The following NTM variants were observed in gnomAD, a reference collection of about 807,000 sequenced individuals.
NTM encodes the protein neurotrimin.
A neutral mutation model predicts 42.1 loss-of-function variants in NTM; 13 were observed. The observed-to-expected ratio is 0.31, with a 90% CI of 0.20 to 0.49. The LOEUF (loss-of-function observed/expected upper bound fraction) is 0.49, where lower values mean the gene tolerates loss of function less well. NTM is among the 20% of genes least tolerant of loss of function. NTM has a pLI of 0.99. For missense variants in NTM, 373 were observed against 452.8 expected, an observed-to-expected ratio of 0.82 and a Z score of 1.60; for synonymous variants, 187 against 179.2, an observed-to-expected ratio of 1.04 and a Z score of -0.35.
rs151295244 is a variant in NTM at position 132,278,506 on chromosome 11, TG to T, written c.527-29180del. ...TTGGGCTTCCTCCTAGCAAGGTGGC[TG>T]GGTTTCTAGAACACAGGCAGAAACT... On this transcript the variant is annotated intron_variant, in intron 4 of 8. Transcript: ENST00000683400. Among the ~76,000 whole-genome samples, 646 of 152,250 alleles carry T rather than the reference TG, an allele frequency of 4.2e-3. 4 individuals carry two copies. Among genetic ancestry groups the T allele is most frequent in the African/African-American group, 0.015 (616 of 41,530 alleles).
At chr11:131,844,770 A>C (rs1470768752) in intron 1 of NTM, among the ~76,000 whole-genome samples, 1 of 152,080 alleles carries the variant, frequency 6.6e-6, no homozygotes, top group Admixed American at 6.5e-5. Context: ...GTTTTTGTAC[A>C]GTTCACATTT....
At position 131,598,426 on chromosome 11, in the gene NTM, T is replaced by C. The variant is rs116181815; in HGVS notation, c.82+227538T>C. On this transcript the variant is annotated intron_variant, in intron 1 of 8. Coordinates refer to ENST00000683400, the MANE Select transcript of NTM (RefSeq NM_001352005.2). ...CACGCTTGTCTTTCTACACTGTCCTTGTTATGTAGATTCTGTTAGTCAGGA... is the reference window on the plus strand; with the variant it reads ...CACGCTTGTCTTTCTACACTGTCCTCGTTATGTAGATTCTGTTAGTCAGGA... Among the ~76,000 whole-genome samples the C allele has an allele frequency of 3.1e-3, 479 of 152,326 alleles. 3 individuals are homozygous for C. Among genetic ancestry groups the C allele is most frequent in the African/African-American group, 0.01 (436 of 41,584 alleles).
intron 1 of NTM, among the ~76,000 whole-genome samples, chr11:131,609,569 G>A (rs542065900): frequency 5.8e-4 from 88 of 152,304 alleles, no homozygotes; most frequent in Non-Finnish European, 9.3e-4. Context: ...CGAGAAGATC[G>A]AAGACGTCTT....
intron 1 of NTM, among the ~76,000 whole-genome samples, chr11:131,901,907 G>A (rs909254372): frequency 1.3e-5 from 2 of 152,232 alleles, no homozygotes; most frequent in Non-Finnish European, 2.9e-5. Context: ...ACCACTGGTA[G>A]TTTTGTGCTA....
At chr11:131,616,776 G>GGT (rs752979661) in intron 1 of NTM, among the ~76,000 whole-genome samples, 1 of 143,176 alleles carries the variant, frequency 7.0e-6, no homozygotes, top group Non-Finnish European at 1.5e-5. Flanking sequence ...CTGTCTTGAG[G>GGT]GGGTGTGTGT....
intron 1 of NTM, among the ~76,000 whole-genome samples, chr11:131,751,584 C>T (rs986375533): frequency 7.7e-5 from 10 of 129,314 alleles, no homozygotes; most frequent in East Asian, 2.2e-4. Flanking sequence ...AGCAAGACTC[C>T]GTCTCAAAAA....
intron 4 of NTM, among the ~76,000 whole-genome samples, chr11:132,269,874 A>G (rs1053997808): frequency 1.3e-5 from 2 of 152,244 alleles, no homozygotes; most frequent in African/African-American, 2.4e-5. Context: ...TTTAAAACTC[A>G]ACTTTACTGG....
rs143897288 is a variant in NTM, at chr11:131,565,154, C to A, written c.82+194266C>A. The stretch of plus-strand genomic sequence containing the variant: ...GGTCTGCTCACCCCAACACTGTCCC[C>A]TGTGAACACAGGGAGCAGCCCCCTT... On this transcript the variant is annotated intron_variant, in intron 1 of 8. Coordinates refer to ENST00000683400, the MANE Select transcript of NTM (RefSeq NM_001352005.2). 3.9e-3 allele frequency among the ~76,000 whole-genome samples: 592 copies of A among 152,338 alleles called. 4 individuals are homozygous for A. The highest frequency in any genetic ancestry group is 0.014 in the African/African-American group (565 of 41,588).
At chr11:131,404,354 G>A (rs938859752) in intron 1 of NTM, among the ~76,000 whole-genome samples, 3 of 152,122 alleles carry the variant, frequency 2.0e-5, no homozygotes, top group African/African-American at 7.2e-5. Context: ...TTGTGAAATT[G>A]TTCCTCTTGG....
chr11:131,998,907 A>G (rs967554561), intron 2 of NTM, among the ~76,000 whole-genome samples: 1 of 152,132 alleles, frequency 6.6e-6, no homozygotes, highest in Admixed American at 6.5e-5. Context: ...GTTTTGTGCC[A>G]TTTCAACTTT....
chr11:132,187,059 A>T (rs998819894), intron 3 of NTM, among the ~76,000 whole-genome samples: 1 of 152,184 alleles, frequency 6.6e-6, no homozygotes, highest in Admixed American at 6.5e-5. Flanking sequence ...AATAGACTCC[A>T]CTGAATACAT....
chr11:132,315,494 C>T (rs1344383351), intron 7 of NTM, among the ~76,000 whole-genome samples: 1 of 152,188 alleles, frequency 6.6e-6, no homozygotes, highest in African/African-American at 2.4e-5. Flanking sequence ...TTCCTTCATA[C>T]CCCATCAAGT....
intron 3 of NTM, among the ~76,000 whole-genome samples, chr11:132,167,560 G>T (rs1168611614): frequency 6.6e-6 from 1 of 152,156 alleles, no homozygotes; most frequent in Non-Finnish European, 1.5e-5. Context: ...TCCCATTCAA[G>T]CAATGGCTGT....
At chr11:131,661,052 G>C in intron 1 of NTM, 1 of 1,302,900 alleles carries the variant, frequency 7.7e-7, no homozygotes, top group Non-Finnish European at 1.0e-6. Context: ...GGCACAGGTA[G>C]GTGCATACTC....
At chr11:131,871,836 T>G (rs2047821284) in intron 1 of NTM, among the ~76,000 whole-genome samples, 1 of 152,156 alleles carries the variant, frequency 6.6e-6, no homozygotes, top group South Asian at 2.1e-4. Context: ...GGTCTTTCCT[T>G]TGTCATCAGG....
intron 2 of NTM, among the ~76,000 whole-genome samples, chr11:132,068,121 T>C (rs2056801970): frequency 6.6e-6 from 1 of 152,218 alleles, no homozygotes; most frequent in Non-Finnish European, 1.5e-5. Flanking sequence ...AGCAACAGGG[T>C]GTTCAGTCAT....
At chr11:131,542,788 A>G (rs2053451186) in intron 1 of NTM, among the ~76,000 whole-genome samples, 1 of 152,156 alleles carries the variant, frequency 6.6e-6, no homozygotes, top group African/African-American at 2.4e-5. Flanking sequence ...GGGAAGGAAG[A>G]AAGAGCCTCT....
At chr11:132,282,376 T>C (rs1002535442) in intron 4 of NTM, among the ~76,000 whole-genome samples, 2 of 152,208 alleles carry the variant, frequency 1.3e-5, no homozygotes, top group East Asian at 3.9e-4. Context: ...AGTGGGTAAC[T>C]TGAAATAGCT....
At chr11:131,594,129 G>A (rs1156364567) in intron 1 of NTM, among the ~76,000 whole-genome samples, 1 of 152,204 alleles carries the variant, frequency 6.6e-6, no homozygotes, top group African/African-American at 2.4e-5. Context: ...GGAAAACTCA[G>A]TATGTATCTC....
Sources: allele counts gnomAD v4.1 joint callset (sites outside exome capture counted in the v4.1 genomes callset), GRCh38; gene constraint gnomAD v4.1.1; transcripts MANE v1.5; gene names NCBI Gene and HGNC (gene_info 2026-07-23, HGNC 2026-07-21).